SPAG9: variants seen among roughly 807,000 people sequenced by gnomAD.
SPAG9 encodes the protein C-Jun-amino-terminal kinase-interacting protein 4.
SPAG9 carries 35 observed loss-of-function variants against 166.5 expected under a neutral mutation model. The observed-to-expected ratio is 0.21, with a 90% confidence interval of 0.16 to 0.28. The LOEUF (loss-of-function observed/expected upper bound fraction) is 0.28, where lower values mean the gene tolerates loss of function less well. Among genes scored for constraint, SPAG9 ranks in the 10% least tolerant of loss-of-function variants. The pLI is 1.00. For synonymous variants in SPAG9, 534 were observed against 565.5 expected, an observed-to-expected ratio of 0.94 and a Z score of 0.79; for missense variants, 1,235 against 1,603.3, an observed-to-expected ratio of 0.77 and a Z score of 3.92.
chr17:51,074,258 AC>A (rs1454710040), intron 2 of SPAG9, among the ~76,000 whole-genome samples: 1 of 148,860 alleles, frequency 6.7e-6, no homozygotes, highest in African/African-American at 2.5e-5. Context: ...ACAAAACAAA[AC>A]AAAAAAAACA....
chr17:51,117,264 A>T (rs1250491128), intron 1 of SPAG9, among the ~76,000 whole-genome samples: 1 of 152,174 alleles, frequency 6.6e-6, no homozygotes, highest in Non-Finnish European at 1.5e-5. Flanking sequence ...TTCCTAAAAC[A>T]TTCTATCTAC....
intron 11 of SPAG9, among the ~76,000 whole-genome samples, chr17:51,005,701 A>C (rs1348314477): frequency 6.6e-6 from 1 of 152,224 alleles, no homozygotes; most frequent in Non-Finnish European, 1.5e-5. Flanking sequence ...CAGTACAAAA[A>C]TTAGCTGTGT....
chr17:51,008,391 CAAA>C (rs1029302138), intron 9 of SPAG9, among the ~76,000 whole-genome samples: 1 of 151,104 alleles, frequency 6.6e-6, no homozygotes, highest in African/African-American at 2.4e-5. Context: ...CAAAACAAAA[CAAA>C]AAAAACCCAC....
At chr17:51,092,731 T>G (rs973591937) in intron 1 of SPAG9, among the ~76,000 whole-genome samples, 3 of 117,532 alleles carry the variant, frequency 2.6e-5, no homozygotes, top group Non-Finnish European at 5.2e-5. Flanking sequence ...CTGGGGAACA[T>G]AGAGAGACCC....
chr17:51,059,516 A>G (rs1468079941), intron 2 of SPAG9, among the ~76,000 whole-genome samples: 6 of 152,006 alleles, frequency 3.9e-5, no homozygotes, highest in Non-Finnish European at 8.8e-5. Context: ...GCACTTTGAG[A>G]GCCGAGGTGG....
chr17:51,065,260 T>C (rs2047631194), intron 2 of SPAG9, among the ~76,000 whole-genome samples: 1 of 152,134 alleles, frequency 6.6e-6, no homozygotes, highest in Non-Finnish European at 1.5e-5. Flanking sequence ...TATGAACTCC[T>C]GGGCTCAAGC....
intron 4 of SPAG9, among the ~76,000 whole-genome samples, chr17:51,043,539 G>A (rs1276307385): frequency 2.0e-5 from 3 of 152,056 alleles, no homozygotes; most frequent in Admixed American, 2.0e-4. Flanking sequence ...GTGATAAGTA[G>A]CTAGATTTCC....
chr17:51,049,868 G>A (rs537303500), intron 3 of SPAG9, among the ~76,000 whole-genome samples: 1 of 152,168 alleles, frequency 6.6e-6, no homozygotes, highest in Non-Finnish European at 1.5e-5. Context: ...AAAGTGTTGG[G>A]ATTACAGGTG....
intron 2 of SPAG9, among the ~76,000 whole-genome samples, chr17:51,061,612 CAAA>C (rs34010166): frequency 1.6e-4 from 5 of 31,726 alleles, no homozygotes; most frequent in African/African-American, 5.2e-4. Context: ...GCTCTGTCTC[CAAA>C]AAAAAAAAAA....
chr17:50,972,256 T>G (rs2143606481), intron 28 of SPAG9, among the ~76,000 whole-genome samples: 1 of 152,340 alleles, frequency 6.6e-6, no homozygotes, highest in East Asian at 1.9e-4. Flanking sequence ...AAAAGGTCTC[T>G]CCCTTGAAAA....
chr17:51,022,943 A>AAATAATAATAATAATAATAATAATAAT (rs369538903), intron 6 of SPAG9, among the ~76,000 whole-genome samples: 5 of 143,228 alleles, frequency 3.5e-5, no homozygotes, highest in African/African-American at 1.3e-4. Flanking sequence ...CTCCATCTCA[A>AAATAATAATAATAATAATAATAATAAT]AATAATAATA....
chr17:51,021,275 T>C lies in SPAG9; in HGVS notation c.874A>G (p.Thr292Ala), dbSNP rs766572418. The C allele has an allele frequency of 1.9e-6, 3 of 1,613,956 alleles. No homozygotes were observed. The highest frequency in any genetic ancestry group is 1.3e-5 in the African/African-American group (1 of 74,894). ...NSDVATIPTDTPLKEENEGFV... is the reference protein window; with the variant it reads ...NSDVATIPTDAPLKEENEGFV... ...CCTTCGTTTTCTTCCTTTAAGGGAGTATCAGTAGGAATTGTTGCCACATCT... is the reference window on the plus strand; with the variant it reads ...CCTTCGTTTTCTTCCTTTAAGGGAGCATCAGTAGGAATTGTTGCCACATCT... The change falls in exon 7 of 30, where the codon ACT becomes GCT. Residue 292 changes from threonine to alanine, a missense_variant. By Grantham distance (58) the Thr-to-Ala change is moderately conservative (BLOSUM62 0). Around this residue, in one of 6 missense-constraint regions of SPAG9, gnomAD observed 288 missense variants for 323.7 expected, o/e 0.89. Coordinates refer to ENST00000262013, the MANE Select transcript of SPAG9 (RefSeq NM_001130528.3).
chr17:51,067,613 C>T (rs1309730341), intron 2 of SPAG9, among the ~76,000 whole-genome samples: 1 of 151,888 alleles, frequency 6.6e-6, no homozygotes, highest in Non-Finnish European at 1.5e-5. Flanking sequence ...AGCTCCAAGC[C>T]GAGATTAACT....
intron 1 of SPAG9, among the ~76,000 whole-genome samples, chr17:51,099,380 C>A (rs1206499161): frequency 6.7e-6 from 1 of 148,852 alleles, no homozygotes; most frequent in Non-Finnish European, 1.5e-5. Context: ...TTGCAGTGAG[C>A]CGAGATAGCG....
intron 3 of SPAG9, among the ~76,000 whole-genome samples, chr17:51,054,713 G>A (rs1017705409): frequency 6.6e-6 from 1 of 152,056 alleles, no homozygotes; most frequent in African/African-American, 2.4e-5. Context: ...TGGGATTACA[G>A]GTGTGAGCCA....
intron 1 of SPAG9, among the ~76,000 whole-genome samples, chr17:51,104,749 C>G (rs908023028): frequency 1.3e-5 from 2 of 151,674 alleles, no homozygotes; most frequent in Admixed American, 6.6e-5. Flanking sequence ...CTGGCTAACA[C>G]GGTGAAACCC....
intron 1 of SPAG9, among the ~76,000 whole-genome samples, chr17:51,119,420 C>T (rs1422160449): frequency 2.0e-5 from 3 of 152,124 alleles, no homozygotes; most frequent in Non-Finnish European, 2.9e-5. Flanking sequence ...GAAATAACGC[C>T]AACGCAGGCT....
At chr17:50,977,848 C>T (rs538245526) in intron 26 of SPAG9, among the ~76,000 whole-genome samples, 21 of 152,266 alleles carry the variant, frequency 1.4e-4, no homozygotes, top group African/African-American at 4.8e-4. Context: ...CCAACCACTG[C>T]ACTCCAGCCT....
At position 51,077,105 on chromosome 17, in the gene SPAG9, GCTATCTAGCTAT is replaced by G. The variant is rs1568065911; in HGVS notation, c.424+2467_424+2478del. ...ATCTAGCTAGCTATCTATCTAGCTA[GCTATCTAGCTAT>G]CTAGCTAGCTATCTATCTATTTCTT... On this transcript the variant is annotated intron_variant, in intron 2 of 29. Coordinates refer to ENST00000262013, the MANE Select transcript of SPAG9 (RefSeq NM_001130528.3). Among the ~76,000 whole-genome samples, 669 of 125,126 alleles carry G rather than the reference GCTATCTAGCTAT, an allele frequency of 5.3e-3. 4 individuals carry two copies. The highest frequency in any genetic ancestry group is 0.013 in the Middle Eastern group (3 of 234). 82.1% of individuals were successfully genotyped at this position (125,126 alleles called of 152,430 possible).
Sources: allele counts gnomAD v4.1 joint callset (sites outside exome capture counted in the v4.1 genomes callset), GRCh38; gene constraint gnomAD v4.1.1; regional missense constraint gnomAD v4.1.1; transcripts MANE v1.5; gene names NCBI Gene and HGNC (gene_info 2026-07-23, HGNC 2026-07-21).